The following TNFRSF13B variants were observed in gnomAD, a reference collection of about 807,000 sequenced individuals.
TNFRSF13B encodes tumor necrosis factor receptor superfamily member 13B.
In TNFRSF13B, 34 loss-of-function variants were observed where a neutral mutation model predicts 24.0. That is an observed-to-expected ratio of 1.41 (90% CI 1.08 to 1.88). TNFRSF13B has a LOEUF of 1.88. Ranked by LOEUF, TNFRSF13B falls within the 40% of genes most tolerant of loss-of-function variation. The pLI, the probability that TNFRSF13B is intolerant of heterozygous loss-of-function variation, is 0.00. For synonymous variants in TNFRSF13B, 173 were observed against 150.3 expected, an observed-to-expected ratio of 1.15 and a Z score of -1.10; for missense variants, 415 against 380.8, an observed-to-expected ratio of 1.09 and a Z score of -0.75.
At chr17:16,940,749 C>G in intron 3 of TNFRSF13B, 1 of 1,425,076 alleles carries the variant, frequency 7.0e-7, no homozygotes, top group African/African-American at 1.4e-5. Context: ...GTGAGCTAGG[C>G]CTTCTTGTTG....
At chr17:16,941,312 G>A in intron 3 of TNFRSF13B, 1 of 987,718 alleles carries the variant, frequency 1.0e-6, no homozygotes, top group Non-Finnish European at 1.2e-6. Flanking sequence ...GTGCCAACCA[G>A]GAGGGCTTTG....
At chr17:16,958,146 C>G (rs759267235) in intron 1 of TNFRSF13B, among the ~76,000 whole-genome samples, 1 of 151,480 alleles carries the variant, frequency 6.6e-6, no homozygotes, top group Non-Finnish European at 1.5e-5. Context: ...TATGACCTAC[C>G]GAAACTAAGT....
intron 2 of TNFRSF13B, among the ~76,000 whole-genome samples, chr17:16,950,885 A>G (rs1331471191): frequency 6.6e-6 from 1 of 151,798 alleles, no homozygotes; most frequent in Non-Finnish European, 1.5e-5. Context: ...ACCTCTTAAC[A>G]ATCTGCCTCT....
At chr17:16,946,060 C>T (rs1365893923) in intron 3 of TNFRSF13B, among the ~76,000 whole-genome samples, 1 of 152,226 alleles carries the variant, frequency 6.6e-6, no homozygotes, top group Non-Finnish European at 1.5e-5. Flanking sequence ...CTGAGCCCAG[C>T]CAAACCCCTG....
Position 16,939,510 on chromosome 17 carries a change from ATC to A in TNFRSF13B, c.*35_*36del. The A allele has an allele frequency of 2.0e-6, 3 of 1,535,958 alleles. No homozygotes were observed. Among genetic ancestry groups the A allele is most frequent in the Non-Finnish European group, 2.6e-6 (3 of 1,141,906 alleles). On this transcript the variant is annotated 3_prime_UTR_variant, in exon 5 of 5. Coordinates refer to ENST00000261652, the MANE Select transcript of TNFRSF13B (RefSeq NM_012452.3). ...TCTCTTTCTCTCTCCCCTCCTCTCC[ATC>A]TCTCTCCCTCCTCCTTTCCCTCCCT... is the stretch of plus-strand genomic sequence containing the variant.
At chr17:16,954,120 C>T (rs1042089481) in intron 1 of TNFRSF13B, among the ~76,000 whole-genome samples, 7 of 152,202 alleles carry the variant, frequency 4.6e-5, no homozygotes, top group African/African-American at 1.7e-4. Flanking sequence ...GGTGGCTGGG[C>T]ACCATGGCTC....
chr17:16,962,880 T>G (rs549187718), intron 1 of TNFRSF13B, among the ~76,000 whole-genome samples: 2 of 152,284 alleles, frequency 1.3e-5, no homozygotes, highest in African/African-American at 4.8e-5. Flanking sequence ...GCTGCATGCA[T>G]GCAGATAGTG....
chr17:16,952,732 T>C, intron 1 of TNFRSF13B, 149 bp from the exon 2 acceptor site: 1 of 1,199,844 alleles, frequency 8.3e-7, no homozygotes, highest in South Asian at 1.3e-5. Flanking sequence ...AGTTGGCTTC[T>C]AGCCCCCACT....
chr17:16,961,378 T>C (rs1344555338), intron 1 of TNFRSF13B, among the ~76,000 whole-genome samples: 3 of 152,218 alleles, frequency 2.0e-5, no homozygotes, highest in East Asian at 1.9e-4. Flanking sequence ...AAAGAAAATA[T>C]GTTACAGGTA....
At chr17:16,961,964 G>C (rs574940178) in intron 1 of TNFRSF13B, among the ~76,000 whole-genome samples, 13 of 152,330 alleles carry the variant, frequency 8.5e-5, no homozygotes, top group African/African-American at 3.1e-4. Flanking sequence ...CCTGTCAGCA[G>C]AGAGGAAGAT....
At chr17:16,954,473 T>C (rs4985783) in intron 1 of TNFRSF13B, among the ~76,000 whole-genome samples, 110,023 of 152,172 alleles carry the variant, frequency 0.72, 39,892 homozygotes, top group East Asian at 0.92. Context: ...CCTGAAACCA[T>C]GCAAAGCTGA....
At chr17:16,944,869 G>A (rs2087536363) in intron 3 of TNFRSF13B, among the ~76,000 whole-genome samples, 1 of 152,166 alleles carries the variant, frequency 6.6e-6, no homozygotes, top group South Asian at 2.1e-4. Context: ...CAGAGAACAG[G>A]TGAGCCCTTC....
At chr17:16,948,580 T>C (rs1021161117) in intron 3 of TNFRSF13B, among the ~76,000 whole-genome samples, 158 bp downstream of exon 3, 2 of 152,174 alleles carry the variant, frequency 1.3e-5, no homozygotes, top group African/African-American at 4.8e-5. Flanking sequence ...TTGCCTACAT[T>C]GTTTTTTTTA....
At chr17:16,941,280 T>C (rs1296593195) in intron 3 of TNFRSF13B, 4 of 987,616 alleles carry the variant, frequency 4.1e-6, no homozygotes, top group Non-Finnish European at 4.8e-6. Flanking sequence ...CAGGCGACGT[T>C]ACACTGAGAC....
chr17:16,940,212 A>G, intron 4 of TNFRSF13B, 114 bp downstream of exon 4: 8 of 1,603,768 alleles, frequency 5.0e-6, no homozygotes, highest in Admixed American at 3.4e-5. Flanking sequence ...AGTAACAGGG[A>G]TGAGCCCTGG....
At chr17:16,943,760 A>G (rs553420051) in intron 3 of TNFRSF13B, among the ~76,000 whole-genome samples, 3 of 151,858 alleles carry the variant, frequency 2.0e-5, no homozygotes, top group African/African-American at 7.3e-5. Flanking sequence ...TGCAACCCCC[A>G]TGTTGGGGGA....
At chr17:16,952,216 G>A (rs558728595) in intron 2 of TNFRSF13B, among the ~76,000 whole-genome samples, 210 of 152,324 alleles carry the variant, frequency 1.4e-3, no homozygotes, top group African/African-American at 4.8e-3. Flanking sequence ...TCCAGGCAGC[G>A]GGAATAGCAT....
intron 4 of TNFRSF13B, chr17:16,940,015 A>G: frequency 1.0e-6 from 1 of 957,762 alleles, no homozygotes; most frequent in Non-Finnish European, 1.5e-6. Context: ...TCTGTCCAGC[A>G]CCGAGCCTGC....
chr17:16,948,696 C>A, intron 3 of TNFRSF13B, 42 bp downstream of exon 3: 1 of 1,612,480 alleles, frequency 6.2e-7, no homozygotes. Context: ...CACGCTTTCT[C>A]ACCCTGCGTG....
Sources: allele counts gnomAD v4.1 joint callset (sites outside exome capture counted in the v4.1 genomes callset), GRCh38; gene constraint gnomAD v4.1.1; transcripts MANE v1.5; gene names NCBI Gene and HGNC (gene_info 2026-07-23, HGNC 2026-07-21).